Variants in GLS2 observed in about 807,000 individuals in gnomAD.
The protein encoded by GLS2 is glutaminase 2.
Under a neutral mutation model 79.0 loss-of-function variants are expected in GLS2, and 52 were observed. That is an observed-to-expected ratio of 0.66 (90% CI 0.53 to 0.83). The LOEUF (loss-of-function observed/expected upper bound fraction) is 0.83. Among genes scored for constraint, GLS2 ranks in the 40% least tolerant of loss-of-function variants. The probability of loss-of-function intolerance (pLI) is 0.00; values close to 1 mark genes in which losing one functional copy is unlikely to be tolerated. For synonymous variants in GLS2, 238 were observed against 280.8 expected, an observed-to-expected ratio of 0.85 and a Z score of 1.52; for missense variants, 561 against 764.8, an observed-to-expected ratio of 0.73 and a Z score of 3.14.
rs1869228633 is a variant in GLS2, at chr12:56,471,187, A to C, written c.*300T>G. ...TGATGGTTTCTTCAGGGAGAGGAAG[A>C]GGAGACCTGGGTGAAGAGCTGGGAT... On this transcript the variant is annotated 3_prime_UTR_variant, in exon 18 of 18. Coordinates refer to ENST00000311966, the MANE Select transcript of GLS2 (RefSeq NM_013267.4). 1 of 432,830 alleles carries C rather than the reference A, an allele frequency of 2.3e-6. No individual in the cohort carries two copies. The highest frequency in any genetic ancestry group is 4.0e-6 in the Non-Finnish European group (1 of 247,236). 26.8% of individuals were successfully genotyped at this position (432,830 alleles called of 1,614,324 possible).
intron 1 of GLS2, among the ~76,000 whole-genome samples, chr12:56,483,341 A>G (rs1870447481): frequency 6.6e-6 from 1 of 151,850 alleles, no homozygotes; most frequent in Non-Finnish European, 1.5e-5. Flanking sequence ...CCCCTCCCAA[A>G]GTGCTGGGAT....
In GLS2 at chr12:56,471,861, T is replaced by C. The variant is rs144267430; in HGVS notation, c.1589-25A>G. 418 of 1,610,602 alleles carry C rather than the reference T, an allele frequency of 2.6e-4. 1 individual carries two copies. In the African/African-American group the frequency reaches 5.1e-3, roughly 20 times the overall value. ...CCTAGGAATATGGGCAGAAGGAAAA[T>C]GAGAAGGCGCAGGTCTTGAACCCTT... On this transcript the variant is annotated intron_variant, in intron 16 of 17. Transcript: ENST00000311966.
chr12:56,477,310 A>G, intron 7 of GLS2: 1 of 182,798 alleles, frequency 5.5e-6, no homozygotes, highest in Non-Finnish European at 1.1e-5. Flanking sequence ...AGAAGTGGCC[A>G]ATCAGTGCCC....
Position 56,473,317 on chromosome 12 carries a change from A to G in GLS2, c.1360T>C (p.Leu454=), listed in dbSNP as rs1393043423. The G allele has an allele frequency of 3.0e-5, 48 of 1,614,158 alleles. No homozygotes were observed. Among genetic ancestry groups the G allele is most frequent in the Non-Finnish European group, 4.0e-5 (47 of 1,180,030 alleles). The part of the protein sequence containing the change: ...SHRGTSFCQK[L]VSLFNFHNYD... ...TTGTGGAAATTGAAGAGAGACACCAACTTCTAGAATTGTAAGCCAAATATA... is the reference window on the plus strand; with the variant it reads ...TTGTGGAAATTGAAGAGAGACACCAGCTTCTAGAATTGTAAGCCAAATATA... The change falls in exon 14 of 18, where the codon TTG becomes CTG. Residue 454 remains leucine, a synonymous_variant. Coordinates refer to ENST00000311966, the MANE Select transcript of GLS2 (RefSeq NM_013267.4).
intron 11 of GLS2, 28 bp downstream of exon 11, chr12:56,474,817 TC>T: frequency 6.2e-7 from 1 of 1,612,776 alleles, no homozygotes; most frequent in East Asian, 2.2e-5. Context: ...TCTGTCCTGT[TC>T]CCTCGGCCCT....
At chr12:56,475,531 A>G (rs1869727864) in intron 9 of GLS2, 93 bp downstream of exon 9, 3 of 1,327,574 alleles carry the variant, frequency 2.3e-6, no homozygotes, top group African/African-American at 1.5e-5. Context: ...TCTTCCTCCT[A>G]AGATTCTCTC....
At chr12:56,481,199 CTTTTTTTT>C (rs767616017) in intron 1 of GLS2, among the ~76,000 whole-genome samples, 9 of 78,986 alleles carry the variant, frequency 1.1e-4, no homozygotes, top group Non-Finnish European at 1.8e-4. Flanking sequence ...TGCCAGTGAT[CTTTTTTTT>C]TTTTTTTTTT....
rs781046175 is a variant in GLS2 at position 56,487,937 on chromosome 12, T to A, written c.182A>T (p.His61Leu). The A allele has an allele frequency of 1.9e-6, 3 of 1,602,610 alleles. No homozygotes were observed. The East Asian group carries it at 6.7e-5, about 36-fold the overall frequency. The change falls in exon 1 of 18, where the codon CAT becomes CTT. Residue 61 changes from histidine to leucine, a missense_variant and splice_region_variant. By Grantham distance (99) the His-to-Leu change is moderately conservative (BLOSUM62 -3). This residue lies in a region of GLS2 where 161 missense variants were observed against 167.8 expected (regional missense o/e 0.96). Coordinates refer to ENST00000311966, the MANE Select transcript of GLS2 (RefSeq NM_013267.4). ...CCCTGCCCTGTCCCAGGAGCCTTAC[T>A]GATCCTGGTGCTGCGGCTGGTGGCT... ...PHSHQPQHQD[H>L]DSSESGMLSR...
intron 1 of GLS2, among the ~76,000 whole-genome samples, chr12:56,481,308 C>T (rs1051354138): frequency 2.7e-5 from 4 of 147,534 alleles, no homozygotes; most frequent in Admixed American, 7.1e-5. Flanking sequence ...TGGGTTCAAG[C>T]GATTCTCCTG....
intron 3 of GLS2, 49 bp downstream of exon 3, chr12:56,479,731 C>T: frequency 6.4e-7 from 1 of 1,551,192 alleles, no homozygotes; most frequent in Non-Finnish European, 8.7e-7. Context: ...GAGTCTATGT[C>T]CACAGGACAG....
intron 10 of GLS2, 48 bp downstream of exon 10, chr12:56,474,996 T>C (rs1377663009): frequency 8.1e-6 from 13 of 1,613,840 alleles, no homozygotes; most frequent in Non-Finnish European, 1.1e-5. Context: ...GCCCTTCCAC[T>C]AGCAGCAGAA....
At chr12:56,481,199 CTTTTTT>C (rs767616017) in intron 1 of GLS2, among the ~76,000 whole-genome samples, 2 of 78,986 alleles carry the variant, frequency 2.5e-5, no homozygotes, top group African/African-American at 4.7e-5. Flanking sequence ...TGCCAGTGAT[CTTTTTT>C]TTTTTTTTTT....
chr12:56,479,428 ATATG>A (rs1053692213), intron 3 of GLS2: 8 of 460,476 alleles, frequency 1.7e-5, no homozygotes, highest in Admixed American at 3.9e-5. Flanking sequence ...TACCAGAATA[ATATG>A]TATGTATGTT....
chr12:56,475,835 A>G, intron 8 of GLS2, 110 bp downstream of exon 8: 2 of 1,411,036 alleles, frequency 1.4e-6, no homozygotes, highest in Non-Finnish European at 2.0e-6. Context: ...TAAGGCTTCT[A>G]GTATGGGCTG....
At chr12:56,473,162 TACAGGCGTGAGCC>T in intron 14 of GLS2, 53 bp downstream of exon 14, 1 of 1,456,718 alleles carries the variant, frequency 6.9e-7, no homozygotes, top group South Asian at 1.2e-5. Flanking sequence ...GTGCAGGGAT[TACAGGCGTGAGCC>T]ACCGCACCTG....
chr12:56,475,872 C>T, intron 8 of GLS2, 73 bp downstream of exon 8: 1 of 1,537,986 alleles, frequency 6.5e-7, no homozygotes, highest in Non-Finnish European at 9.0e-7. Flanking sequence ...GGTTAGAGAG[C>T]CACTGGGGCA....
At chr12:56,477,138 G>T (rs1869895448) in intron 7 of GLS2, 1 of 152,486 alleles carries the variant, frequency 6.6e-6, no homozygotes, top group Admixed American at 6.5e-5. Flanking sequence ...TGGCTCCAGG[G>T]TGTTGCTGCC....
At chr12:56,476,001 A>C (rs1869777714) in intron 7 of GLS2, 24 bp from the exon 8 acceptor site, 1 of 1,610,524 alleles carries the variant, frequency 6.2e-7, no homozygotes, top group African/African-American at 1.3e-5. Flanking sequence ...GAGAGATGTC[A>C]GCATTCTAAG....
Position 56,474,564 on chromosome 12 carries a change from A to G in GLS2, c.1204T>C (p.Ser402Pro). ...CTCACGTGGAAGGCAAACTGGCCAG[A>G]GAAGTCATACATGCCGCAGGAATGC... ...LMHSCGMYDFSGQFAFHVGLP... is the reference protein window; with the variant it reads ...LMHSCGMYDFPGQFAFHVGLP... The change falls in exon 12 of 18, where the codon TCT becomes CCT. Residue 402 changes from serine (S) to proline (P), a missense_variant. By Grantham distance (74) the Ser-to-Pro change is moderately conservative. Coordinates refer to ENST00000311966, the MANE Select transcript of GLS2 (RefSeq NM_013267.4). The G allele has an allele frequency of 6.2e-7, 1 of 1,614,092 alleles. No individual in the cohort carries two copies. Among genetic ancestry groups the G allele is most frequent in the Non-Finnish European group, 8.5e-7 (1 of 1,180,044 alleles).
Sources: allele counts gnomAD v4.1 joint callset (sites outside exome capture counted in the v4.1 genomes callset), GRCh38; gene constraint gnomAD v4.1.1; regional missense constraint gnomAD v4.1.1; transcripts MANE v1.5; gene names NCBI Gene and HGNC (gene_info 2026-07-23, HGNC 2026-07-21).